The following RUNDC3B variants were observed in gnomAD, a reference collection of about 807,000 sequenced individuals.
RUNDC3B encodes RUN domain-containing protein 3B.
A neutral mutation model predicts 58.4 loss-of-function variants in RUNDC3B; 33 were observed. The observed-to-expected ratio is 0.56, with a 90% CI of 0.43 to 0.75. RUNDC3B has a LOEUF of 0.75. RUNDC3B is among the 30% of genes least tolerant of loss of function. The probability of loss-of-function intolerance (pLI) is 0.00; values close to 1 mark genes in which losing one functional copy is unlikely to be tolerated. For missense variants in RUNDC3B, 501 were observed against 535.7 expected (o/e 0.94, Z 0.64); for synonymous variants, 193 against 195.2 (o/e 0.99, Z 0.10).
In RUNDC3B at chr7:87,628,731, C is replaced by T; in HGVS notation, c.-93C>T. The T allele has an allele frequency of 1.3e-6, 1 of 767,956 alleles. No homozygotes were observed. The highest frequency in any genetic ancestry group is 1.8e-6 in the Non-Finnish European group (1 of 556,010). 47.6% of individuals were successfully genotyped at this position (767,956 alleles called of 1,614,324 possible). The stretch of plus-strand genomic sequence containing the variant: ...CCTTTCCTACATCCTTCCCGCGCCC[C>T]CACGGTTGCGGACCGAGCGAGAACC... On this transcript the variant is annotated 5_prime_UTR_variant, in exon 1 of 11. Coordinates refer to ENST00000394654, the MANE Select transcript of RUNDC3B (RefSeq NM_001134405.2).
At chr7:87,816,107 G>T in intron 9 of RUNDC3B, 34 bp from the exon 10 acceptor site, 1 of 1,485,250 alleles carries the variant, frequency 6.7e-7, no homozygotes, top group African/African-American at 1.4e-5. Context: ...TTTGTGAAAA[G>T]AAATTCAAGT....
chr7:87,803,449 A>G (rs1422351436), intron 8 of RUNDC3B, among the ~76,000 whole-genome samples: 1 of 152,244 alleles, frequency 6.6e-6, no homozygotes, highest in East Asian at 1.9e-4. Context: ...ACATACGTCA[A>G]CATAATTACA....
intron 8 of RUNDC3B, among the ~76,000 whole-genome samples, chr7:87,795,005 T>A (rs1584228768): frequency 6.6e-6 from 1 of 152,224 alleles, no homozygotes; most frequent in East Asian, 1.9e-4. Flanking sequence ...AACTAAGACC[T>A]CAAACTATGA....
chr7:87,820,042 C>T lies in RUNDC3B; in HGVS notation c.1225+3780C>T, dbSNP rs918328090. Reference sequence around the variant, plus strand: ...AGGTAAGAAATAACTAAAATCAGAGCGGAACTGAAGGAAATAGAGACACAA... The same window carrying T: ...AGGTAAGAAATAACTAAAATCAGAGTGGAACTGAAGGAAATAGAGACACAA... On this transcript the variant is annotated intron_variant, in intron 10 of 10. Transcript: ENST00000394654. Among the ~76,000 whole-genome samples the T allele has an allele frequency of 5.3e-5, 8 of 152,022 alleles. No homozygotes were observed. In the East Asian group the frequency reaches 5.8e-4, roughly 11 times the overall value.
chr7:87,637,080 C>G (rs1415753730), intron 1 of RUNDC3B, among the ~76,000 whole-genome samples: 1 of 152,182 alleles, frequency 6.6e-6, no homozygotes, highest in Non-Finnish European at 1.5e-5. Flanking sequence ...GGGAAAACAT[C>G]CCCATGATTC....
At chr7:87,669,591 T>C (rs1019231527) in intron 2 of RUNDC3B, among the ~76,000 whole-genome samples, 3 of 152,232 alleles carry the variant, frequency 2.0e-5, no homozygotes, top group Non-Finnish European at 2.9e-5. Context: ...TTTAAGCATG[T>C]TTTTGTATTA....
rs139503670 is a variant in RUNDC3B, at chr7:87,700,448, G to C, written c.266G>C (p.Ser89Thr). 2.5e-6 allele frequency: 4 copies of C among 1,612,114 alleles called. No individual in the cohort carries two copies. In the African/African-American group the frequency reaches 5.3e-5, roughly 22 times the overall value. ...KGQVTWFGYE[S>T]PRSFWDYIRV... Reference sequence around the variant, plus strand: ...CAAGTAACCTGGTTTGGTTATGAAAGTCCTCGTAGCTTCTGGGACTATATC... The same window carrying C: ...CAAGTAACCTGGTTTGGTTATGAAACTCCTCGTAGCTTCTGGGACTATATC... Residue 89 changes from serine to threonine, a missense_variant, in exon 3 of 11, where the codon AGT becomes ACT. By Grantham distance (58) the Ser-to-Thr change is moderately conservative. Coordinates refer to ENST00000394654, the MANE Select transcript of RUNDC3B (RefSeq NM_001134405.2).
chr7:87,654,933 A>G (rs2130403485), intron 2 of RUNDC3B, among the ~76,000 whole-genome samples: 1 of 152,240 alleles, frequency 6.6e-6, no homozygotes, highest in Non-Finnish European at 1.5e-5. Context: ...CAGGTATATA[A>G]AAAGGTGCTC....
intron 4 of RUNDC3B, among the ~76,000 whole-genome samples, chr7:87,729,249 A>C (rs1363113428): frequency 6.6e-6 from 1 of 152,180 alleles, no homozygotes; most frequent in African/African-American, 2.4e-5. Context: ...CGAACAAAAA[A>C]AAACACCTCC....
intron 10 of RUNDC3B, among the ~76,000 whole-genome samples, chr7:87,819,111 C>T (rs76609162): frequency 0.019 from 2,935 of 152,232 alleles, 65 homozygotes; most frequent in Non-Finnish European, 0.032. Flanking sequence ...GAGCTGCTTA[C>T]GGGCTCTCTG....
rs73706913 is a variant in RUNDC3B, at chr7:87,739,746, C to T, written c.459-45C>T. The stretch of plus-strand genomic sequence containing the variant: ...AAATGATTTCTCTCGATCAAACTTC[C>T]ATTTATTTTTAATATTTTATATATT... On this transcript the variant is annotated intron_variant, in intron 4 of 10. Coordinates refer to ENST00000394654, the MANE Select transcript of RUNDC3B (RefSeq NM_001134405.2). 2,883 of 880,282 alleles carry T rather than the reference C, an allele frequency of 3.3e-3. 47 individuals are homozygous for T. In the African/African-American group the frequency reaches 0.043, roughly 13 times the overall value. 54.5% of individuals were successfully genotyped at this position (880,282 alleles called of 1,614,324 possible). A position where few individuals can be genotyped will look rare whatever the true frequency, so the allele number is the denominator to read the frequency against.
intron 10 of RUNDC3B, among the ~76,000 whole-genome samples, chr7:87,816,889 T>A (rs1266380959): frequency 6.6e-6 from 1 of 152,182 alleles, no homozygotes; most frequent in Admixed American, 6.5e-5. Context: ...TTAAAACCAG[T>A]CATCTATTTG....
intron 2 of RUNDC3B, among the ~76,000 whole-genome samples, chr7:87,664,235 A>G (rs977052547): frequency 5.3e-5 from 8 of 152,236 alleles, no homozygotes; most frequent in African/African-American, 1.9e-4. Context: ...CTGAGGCAGG[A>G]GGGTCACTTG....
intron 2 of RUNDC3B, among the ~76,000 whole-genome samples, chr7:87,670,912 C>T (rs1392736408): frequency 6.6e-6 from 1 of 152,192 alleles, no homozygotes; most frequent in East Asian, 1.9e-4. Flanking sequence ...CCCTTGAATG[C>T]TGGCTGTAGA....
chr7:87,768,350 C>A (rs922219081), intron 6 of RUNDC3B, among the ~76,000 whole-genome samples: 1 of 152,208 alleles, frequency 6.6e-6, no homozygotes, highest in Non-Finnish European at 1.5e-5. Flanking sequence ...AGGGATCCTG[C>A]AGCTCCCCAG....
chr7:87,651,863 T>C (rs1456752539), intron 2 of RUNDC3B, among the ~76,000 whole-genome samples: 1 of 152,116 alleles, frequency 6.6e-6, no homozygotes, highest in Non-Finnish European at 1.5e-5. Context: ...ATGAATTCAT[T>C]TATCCCTCTG....
At chr7:87,783,377 C>T (rs890096035) in intron 8 of RUNDC3B, among the ~76,000 whole-genome samples, 2 of 152,026 alleles carry the variant, frequency 1.3e-5, no homozygotes, top group African/African-American at 4.8e-5. Context: ...CATGTCTTTA[C>T]TTTGAGCCTG....
chr7:87,804,075 G>A (rs1372176728), intron 8 of RUNDC3B, among the ~76,000 whole-genome samples: 1 of 152,094 alleles, frequency 6.6e-6, no homozygotes, highest in African/African-American at 2.4e-5. Context: ...TTATTAAACT[G>A]TATGAGACTC....
At chr7:87,713,365 A>G (rs1172441532) in intron 4 of RUNDC3B, 2 of 152,214 alleles carry the variant, frequency 1.3e-5, no homozygotes, top group East Asian at 3.8e-4. Context: ...TAAGGCAGGC[A>G]GGCTTGAAAG....
Sources: gnomAD v4.1 joint callset for allele counts (sites outside exome capture counted in the v4.1 genomes callset) on GRCh38, gnomAD v4.1.1 for gene constraint, MANE v1.5 for transcripts, NCBI Gene and HGNC (gene_info 2026-07-23, HGNC 2026-07-21) for gene names.